CELSR1: variants seen among roughly 807,000 people sequenced by gnomAD.
CELSR1 encodes adhesion G protein-coupled receptor C1.
In CELSR1, 110 loss-of-function variants were observed where a neutral mutation model predicts 249.1. The observed-to-expected ratio is 0.44, with a 90% CI of 0.38 to 0.52. The LOEUF (loss-of-function observed/expected upper bound fraction) is 0.52. Among genes scored for constraint, CELSR1 ranks in the 20% least tolerant of loss-of-function variants. The pLI, the probability that CELSR1 is intolerant of heterozygous loss-of-function variation, is 0.00. For synonymous variants in CELSR1, 2,113 were observed against 1,900.0 expected (o/e 1.11, Z -2.92); for missense variants, 4,109 against 4,296.4 (o/e 0.96, Z 1.22).
chr22:46,506,057 T>C lies in CELSR1; in HGVS notation c.3544+27570A>G, dbSNP rs1455106959. On this transcript the variant is annotated intron_variant, in intron 1 of 34. Coordinates refer to ENST00000674500, the MANE Select transcript of CELSR1 (RefSeq NM_001378328.1). This position sits in a 1 kb window ranked among gnomAD's most constrained non-coding sequence, Gnocchi z 4.1. ...AGCAGGGCATGGTGGCAGGCACCTG[T>C]AATCCCAGCTACTCGGGAGGCTGAG... Among the ~76,000 whole-genome samples, 2 of 151,472 alleles carry C rather than the reference T, an allele frequency of 1.3e-5. No homozygotes were observed. Among genetic ancestry groups the C allele is most frequent in the African/African-American group, 4.9e-5 (2 of 41,072 alleles).
At position 46,398,630 on chromosome 22, in the gene CELSR1, G is replaced by A; in HGVS notation, c.5420C>T (p.Ala1807Val). ...CCCGGGAAGCATGCCCCCGATATCT[G>A]CCTTGTTCTGTGCGGAGAGAGGGGC... Reference protein sequence around the residue: ...TLDYGMDQNKADIGGMLPGLT... With the variant: ...TLDYGMDQNKVDIGGMLPGLT... Residue 1807 changes from alanine (A) to valine (V), a missense_variant, in exon 11 of 35, where the codon GCA becomes GTA. Physicochemically the swap from Ala to Val is moderately conservative, Grantham distance 64 (BLOSUM62 0). Around this residue, in one of 7 missense-constraint regions of CELSR1, gnomAD observed 1,805 missense variants for 1,831.6 expected, o/e 0.99. Coordinates refer to ENST00000674500, the MANE Select transcript of CELSR1 (RefSeq NM_001378328.1). This position sits in a 1 kb window ranked among gnomAD's most constrained non-coding sequence, Gnocchi z 7.2. 6.2e-7 allele frequency: 1 copy of A among 1,612,730 alleles called. No homozygotes were observed. The highest frequency in any genetic ancestry group is 8.5e-7 in the Non-Finnish European group (1 of 1,179,462).
chr22:46,400,079 C>T (rs2079195105), intron 9 of CELSR1, among the ~76,000 whole-genome samples, 177 bp from the exon 10 acceptor site: 1 of 152,190 alleles, frequency 6.6e-6, no homozygotes, highest in African/African-American at 2.4e-5. Context: ...CCTGTAATCT[C>T]AGCATTTTGG....
intron 2 of CELSR1, among the ~76,000 whole-genome samples, chr22:46,443,760 A>G (rs377639368): frequency 2.4e-4 from 37 of 152,360 alleles, no homozygotes; most frequent in African/African-American, 8.7e-4. Flanking sequence ...CTGCACACTC[A>G]TATGAGCAAG....
rs1172911145 is a variant in CELSR1, at chr22:46,473,011, T to C, written c.3545-8666A>G. ...CTGAGGTTCCAGGTGGATGTGAATTTTGGGGGGACGTTAGTCAACCCCGGG... is the reference window on the plus strand; with the variant it reads ...CTGAGGTTCCAGGTGGATGTGAATTCTGGGGGGACGTTAGTCAACCCCGGG... On this transcript the variant is annotated intron_variant, in intron 1 of 34. Transcript: ENST00000674500. The surrounding 1 kb of genome is among the most constrained non-coding windows in gnomAD (Gnocchi z 6.6). Among the ~76,000 whole-genome samples the C allele has an allele frequency of 1.3e-5, 2 of 152,144 alleles. No homozygotes were observed. Among genetic ancestry groups the C allele is most frequent in the East Asian group, 1.9e-4 (1 of 5,176 alleles).
At chr22:46,493,625 T>C (rs908620485) in intron 1 of CELSR1, among the ~76,000 whole-genome samples, 2 of 152,144 alleles carry the variant, frequency 1.3e-5, no homozygotes, top group Non-Finnish European at 2.9e-5. Context: ...TCTTGAATTG[T>C]AGCTCCCACG....
chr22:46,431,387 A>G (rs2079594010), intron 5 of CELSR1, among the ~76,000 whole-genome samples: 1 of 152,228 alleles, frequency 6.6e-6, no homozygotes, highest in Non-Finnish European at 1.5e-5. Flanking sequence ...TGGAGTGTTG[A>G]GCACTGATGG....
Position 46,462,131 on chromosome 22 carries a change from A to T in CELSR1, c.4183+1576T>A, listed in dbSNP as rs74713273. On this transcript the variant is annotated intron_variant, in intron 2 of 34. Transcript: ENST00000674500. ...CTGCCTGCCTGCCTGCCTTGCCCAC[A>T]GCCGAGCCCCGGTATAGCCAGGAAT... is the stretch of plus-strand genomic sequence containing the variant. 1.5e-4 allele frequency among the ~76,000 whole-genome samples: 23 copies of T among 152,340 alleles called. No individual in the cohort carries two copies. The East Asian group carries it at 4.4e-3, about 29-fold the overall frequency.
chr22:46,362,863 TG>T lies in CELSR1; in HGVS notation c.*359del. The T allele has an allele frequency of 2.4e-6, 1 of 419,938 alleles. No individual in the cohort carries two copies. Among genetic ancestry groups the T allele is most frequent in the Non-Finnish European group, 4.3e-6 (1 of 232,306 alleles). 26.0% of individuals were successfully genotyped at this position (419,938 alleles called of 1,614,324 possible). On this transcript the variant is annotated 3_prime_UTR_variant, in exon 35 of 35. Coordinates refer to ENST00000674500, the MANE Select transcript of CELSR1 (RefSeq NM_001378328.1). ...GTCTTTGGTCTGTGCCCGGCGTTCC[TG>T]AACTCTGGCCAGCCTCTGGGCCCAG...
intron 5 of CELSR1, among the ~76,000 whole-genome samples, chr22:46,420,322 TCACC>T (rs2079453853): frequency 6.7e-6 from 1 of 150,066 alleles, no homozygotes; most frequent in Admixed American, 6.6e-5. Context: ...ACGTATGCAC[TCACC>T]CACTCGTGCA....
chr22:46,503,162 G>A (rs1370611924), intron 1 of CELSR1, among the ~76,000 whole-genome samples: 1 of 152,170 alleles, frequency 6.6e-6, no homozygotes, highest in Non-Finnish European at 1.5e-5. Context: ...ATAATCACAG[G>A]ACAGGGACAG....
At chr22:46,452,183 C>T (rs1393695122) in intron 2 of CELSR1, among the ~76,000 whole-genome samples, 1 of 152,138 alleles carries the variant, frequency 6.6e-6, no homozygotes, top group Non-Finnish European at 1.5e-5. Flanking sequence ...CAGAACACAC[C>T]GAGGAAACCA....
In CELSR1 at chr22:46,406,841, C is replaced by T. The variant is rs982556985; in HGVS notation, c.5226+2155G>A. Among the ~76,000 whole-genome samples the T allele has an allele frequency of 2.6e-5, 4 of 151,844 alleles. No individual in the cohort carries two copies. Among genetic ancestry groups the T allele is most frequent in the African/African-American group, 9.7e-5 (4 of 41,294 alleles). ...TCACCATCTGACCTTAGCCCAGCTT[C>T]CCCTGATGCGGGATGGTGTCCAGGA... On this transcript the variant is annotated intron_variant, in intron 9 of 34. Coordinates refer to ENST00000674500, the MANE Select transcript of CELSR1 (RefSeq NM_001378328.1). This position sits in a 1 kb window ranked among gnomAD's most constrained non-coding sequence, Gnocchi z 5.4.
intron 18 of CELSR1, 119 bp downstream of exon 18, chr22:46,389,171 G>C (rs1264349228): frequency 9.0e-7 from 1 of 1,114,002 alleles, no homozygotes; most frequent in Non-Finnish European, 1.3e-6. Context: ...TGAGGATGGG[G>C]ATCCTGGACA....
Position 46,533,744 on chromosome 22 carries a change from C to G in CELSR1, c.3427G>C (p.Val1143Leu), listed in dbSNP as rs144074803. 2.5e-6 allele frequency: 4 copies of G among 1,613,244 alleles called. No individual in the cohort carries two copies. The highest frequency in any genetic ancestry group is 2.2e-5 in the East Asian group (1 of 44,902). The change falls in exon 1 of 35, where the codon GTG becomes CTG. Residue 1143 changes from valine to leucine, a missense_variant. Physicochemically the swap from Val to Leu is conservative, Grantham distance 32. Around this residue, in one of 7 missense-constraint regions of CELSR1, gnomAD observed 886 missense variants for 896.5 expected, o/e 0.99. Transcript: ENST00000674500. ...DVSDSLNYTF[V>L]QGNELRLLLL... ...AACAGGCGCAGCTCGTTGCCCTGCA[C>G]GAAGGTGTAGTTGAGGCTGTCTGAC...
intron 32 of CELSR1, 143 bp downstream of exon 32, chr22:46,365,088 G>A (rs2078752457): frequency 8.2e-7 from 1 of 1,214,396 alleles, no homozygotes; most frequent in Non-Finnish European, 1.1e-6. Context: ...CCCAACCAGA[G>A]TCCCCCCACC....
rs1315909937 is a variant in CELSR1 at position 46,413,490 on chromosome 22, C to T, written c.4612-1731G>A. On this transcript the variant is annotated intron_variant, in intron 5 of 34. Coordinates refer to ENST00000674500, the MANE Select transcript of CELSR1 (RefSeq NM_001378328.1). This position sits in a 1 kb window ranked among gnomAD's most constrained non-coding sequence, Gnocchi z 4.7. ...CTCAATTTCTTTTTGTGCAAGATAA[C>T]GATTTACTATTAGAACACACGTCCT... Among the ~76,000 whole-genome samples, 2 of 152,172 alleles carry T rather than the reference C, an allele frequency of 1.3e-5. No homozygotes were observed. Among genetic ancestry groups the T allele is most frequent in the Middle Eastern group, 3.2e-3 (1 of 316 alleles).
In CELSR1 at chr22:46,409,858, G is replaced by C; in HGVS notation, c.4956C>G (p.Phe1652Leu). 6.2e-7 allele frequency: 1 copy of C among 1,613,626 alleles called. No homozygotes were observed. Among genetic ancestry groups the C allele is most frequent in the Non-Finnish European group, 8.5e-7 (1 of 1,179,998 alleles). Residue 1652 changes from phenylalanine to leucine, a missense_variant, in exon 8 of 35, where the codon TTC becomes TTG. This residue lies in a region of CELSR1 where 453 missense variants were observed against 492.0 expected (regional missense o/e 0.92). Coordinates refer to ENST00000674500, the MANE Select transcript of CELSR1 (RefSeq NM_001378328.1). The surrounding 1 kb of genome is among the most constrained non-coding windows in gnomAD (Gnocchi z 9.8). Reference protein sequence around the residue: ...TREGCAARRNFCDGRRCQNGG... With the variant: ...TREGCAARRNLCDGRRCQNGG... ...CATTCTGACACCGCCTCCCATCGCA[G>C]AAGTTCCTCCGAGCAGCGCAGCCTG... is the stretch of plus-strand genomic sequence containing the variant.
intron 2 of CELSR1, among the ~76,000 whole-genome samples, chr22:46,442,317 G>A (rs1382064737): frequency 1.3e-5 from 2 of 152,216 alleles, no homozygotes; most frequent in East Asian, 1.9e-4. Flanking sequence ...CACTGCCCTC[G>A]CTGGGGCAGC....
intron 1 of CELSR1, among the ~76,000 whole-genome samples, chr22:46,492,086 G>A (rs761195312): frequency 1.3e-4 from 20 of 152,218 alleles, no homozygotes; most frequent in East Asian, 1.9e-4. Flanking sequence ...AGAAGGCAAC[G>A]GTCAGGGCGC....
Sources: gnomAD v4.1 joint callset for allele counts (sites outside exome capture counted in the v4.1 genomes callset) on GRCh38, gnomAD v4.1.1 for gene constraint, gnomAD v4.1.1 regional missense constraint, Gnocchi (gnomAD v3.1) non-coding constraint, MANE v1.5 for transcripts, NCBI Gene and HGNC (gene_info 2026-07-23, HGNC 2026-07-21) for gene names.